Variants in DNAI7 observed in about 807,000 individuals in gnomAD.
DNAI7 encodes cancer susceptibility 1.
A neutral mutation model predicts 86.6 loss-of-function variants in DNAI7; 78 were observed. That is an observed-to-expected ratio of 0.90 (90% CI 0.75 to 1.09). The LOEUF (loss-of-function observed/expected upper bound fraction) is 1.09. DNAI7 is among the 50% of genes least tolerant of loss of function. The probability of loss-of-function intolerance (pLI) is 0.00; values close to 1 mark genes in which losing one functional copy is unlikely to be tolerated. For synonymous variants in DNAI7, 274 were observed against 273.0 expected (o/e 1.00, Z -0.04); for missense variants, 753 against 810.2 (o/e 0.93, Z 0.86).
intron 2 of DNAI7, among the ~76,000 whole-genome samples, chr12:25,165,552 C>G (rs1026704233): frequency 3.3e-5 from 5 of 152,194 alleles, no homozygotes; most frequent in Non-Finnish European, 7.3e-5. Context: ...ACTTTCAGAG[C>G]CCCTGGAACT....
chr12:25,108,252 G>C (rs1949358605), downstream of DNAI7: 1 of 610,856 alleles, frequency 1.6e-6, no homozygotes, highest in East Asian at 2.8e-5. Context: ...GTCTGCCTAT[G>C]ATCTTTGAAT....
At chr12:25,118,426 G>A (rs1191094754) in intron 12 of DNAI7, among the ~76,000 whole-genome samples, 1 of 151,542 alleles carries the variant, frequency 6.6e-6, no homozygotes, top group Admixed American at 6.6e-5. Context: ...ACCACGCCCC[G>A]CTCATTTTCT....
At chr12:25,192,093 C>T (rs1449492030) in intron 1 of DNAI7, among the ~76,000 whole-genome samples, 2 of 152,204 alleles carry the variant, frequency 1.3e-5, no homozygotes, top group African/African-American at 4.8e-5. Flanking sequence ...ATGATTTACA[C>T]ACAAGGCAAT....
intron 2 of DNAI7, among the ~76,000 whole-genome samples, chr12:25,173,129 G>C (rs1341404824): frequency 6.6e-6 from 1 of 152,026 alleles, no homozygotes; most frequent in African/African-American, 2.4e-5. Context: ...CCTTTTGCAT[G>C]GCAAAAGAAA....
intron 2 of DNAI7, among the ~76,000 whole-genome samples, chr12:25,180,041 G>T (rs868848064): frequency 6.6e-6 from 1 of 152,024 alleles, no homozygotes; most frequent in Non-Finnish European, 1.5e-5. Flanking sequence ...CCTAGAAAAC[G>T]GTAAAGATTC....
At chr12:25,182,069 T>C (rs1044799127) in intron 2 of DNAI7, among the ~76,000 whole-genome samples, 4 of 150,862 alleles carry the variant, frequency 2.7e-5, no homozygotes, top group Non-Finnish European at 5.9e-5. Flanking sequence ...ACCTGTAGGC[T>C]GGGCGCGGTG....
chr12:25,181,820 G>C (rs1949528621), intron 2 of DNAI7, among the ~76,000 whole-genome samples: 1 of 151,918 alleles, frequency 6.6e-6, no homozygotes, highest in Non-Finnish European at 1.5e-5. Context: ...ACCACAGTGA[G>C]ATATCATCTC....
intron 2 of DNAI7, among the ~76,000 whole-genome samples, chr12:25,165,966 C>T (rs1452764025): frequency 1.3e-5 from 2 of 152,114 alleles, no homozygotes; most frequent in South Asian, 4.1e-4. Flanking sequence ...ACAGCCACAC[C>T]TCAATGCCGC....
Position 25,132,585 on chromosome 12 carries a change from T to G in DNAI7, c.1003-9299A>C, listed in dbSNP as rs369542754. 3.4e-4 allele frequency among the ~76,000 whole-genome samples: 49 copies of G among 142,284 alleles called. 5 individuals are homozygous for G. The highest frequency in any genetic ancestry group is 1.4e-3 in the African/African-American group (46 of 32,534). The allele number at this position is 142,284 out of a possible 152,430, so 93.3% of individuals were successfully genotyped here. On this transcript the variant is annotated intron_variant, in intron 9 of 15. Transcript: ENST00000395987. ...TCTTGGCACAATCATTTTTATTTAT[T>G]TTGTTCTATTATTTTCTAATAATAA...
intron 2 of DNAI7, among the ~76,000 whole-genome samples, chr12:25,173,934 A>AATCATATATATGGAATACATAT (rs1240952562): frequency 0.012 from 1,708 of 143,118 alleles, 30 homozygotes; most frequent in East Asian, 0.09. Flanking sequence ...TATCATATAT[A>AATCATATATATGGAATACATAT]ATCATATATA....
At chr12:25,118,175 C>T (rs1039881777) in intron 12 of DNAI7, among the ~76,000 whole-genome samples, 33 of 152,050 alleles carry the variant, frequency 2.2e-4, no homozygotes, top group African/African-American at 7.0e-4. Flanking sequence ...TCAGGTGATA[C>T]GCCCGCCTTG....
In DNAI7 at chr12:25,172,539, A is replaced by C. The variant is rs367739012; in HGVS notation, c.22-11342T>G. Reference sequence around the variant, plus strand: ...ATAACCATACTGCCAAAAGCAATCTACAAATTCAATACAATCCCCATCAGA... The same window carrying C: ...ATAACCATACTGCCAAAAGCAATCTCCAAATTCAATACAATCCCCATCAGA... On this transcript the variant is annotated intron_variant, in intron 2 of 15. Transcript: ENST00000395987. Among the ~76,000 whole-genome samples, 232 of 152,312 alleles carry C rather than the reference A, an allele frequency of 1.5e-3. 1 individual carries two copies. The highest frequency in any genetic ancestry group is 0.014 in the South Asian group (69 of 4,832).
intron 8 of DNAI7, among the ~76,000 whole-genome samples, chr12:25,144,965 T>C (rs1397860669): frequency 6.6e-6 from 1 of 152,194 alleles, no homozygotes; most frequent in Non-Finnish European, 1.5e-5. Flanking sequence ...TATTACTCAG[T>C]GCTCCATCCT....
chr12:25,180,855 T>A (rs1299883114), intron 2 of DNAI7, among the ~76,000 whole-genome samples: 4 of 152,156 alleles, frequency 2.6e-5, no homozygotes, highest in Admixed American at 6.5e-5. Context: ...TCGCCCAGGC[T>A]GGAGTGTGTG....
chr12:25,150,313 T>A (rs1945352479), intron 6 of DNAI7, among the ~76,000 whole-genome samples: 1 of 151,864 alleles, frequency 6.6e-6, no homozygotes. Context: ...ATCATTAAAT[T>A]AATAATGGAG....
chr12:25,158,514 T>C lies in DNAI7; in HGVS notation c.156A>G (p.Ile52Met). ...GCCATTTTTCTTTCTCAATTCGCTG[T>C]ATTTCAAGCCTTTCCATTTCTTCTT... ...YEKEEMERLEIQRIEKEKWHR... is the reference protein window; with the variant it reads ...YEKEEMERLEMQRIEKEKWHR... The change falls in exon 4 of 16, where the codon ATA (isoleucine) becomes ATG (methionine). Residue 52 changes from isoleucine to methionine, a missense_variant. Transcript: ENST00000395987. 6.2e-7 allele frequency: 1 copy of C among 1,613,308 alleles called. No individual in the cohort carries two copies. Among genetic ancestry groups the C allele is most frequent in the Non-Finnish European group, 8.5e-7 (1 of 1,179,766 alleles).
chr12:25,115,083 T>C (rs1939797699), intron 12 of DNAI7, among the ~76,000 whole-genome samples: 1 of 152,234 alleles, frequency 6.6e-6, no homozygotes, highest in Non-Finnish European at 1.5e-5. Context: ...GAATGAAGCT[T>C]TGACTCACTT....
chr12:25,117,732 A>G (rs1157925663), intron 12 of DNAI7, among the ~76,000 whole-genome samples: 1 of 152,166 alleles, frequency 6.6e-6, no homozygotes, highest in Non-Finnish European at 1.5e-5. Flanking sequence ...AAAAAGGTAT[A>G]AAAAGGTATA....
At chr12:25,149,836 G>C (rs1420249123) in intron 6 of DNAI7, 62 bp from the exon 7 acceptor site, 1 of 1,043,814 alleles carries the variant, frequency 9.6e-7, no homozygotes. Context: ...AAGTGAAAAA[G>C]GGAATGTTTT....
Sources: allele counts gnomAD v4.1 joint callset (sites outside exome capture counted in the v4.1 genomes callset), GRCh38; gene constraint gnomAD v4.1.1; transcripts MANE v1.5; gene names NCBI Gene and HGNC (gene_info 2026-07-23, HGNC 2026-07-21).